The following CHCHD6 variants were observed in gnomAD, a reference collection of about 807,000 sequenced individuals.
CHCHD6 encodes coiled-coil-helix-coiled-coil-helix domain containing 6.
In CHCHD6, 28 loss-of-function variants were observed where a neutral mutation model predicts 32.3. That is an observed-to-expected ratio of 0.87 (90% CI 0.64 to 1.19). The LOEUF (loss-of-function observed/expected upper bound fraction) is 1.19, where lower values mean the gene tolerates loss of function less well. Among genes scored for constraint, CHCHD6 ranks in the 50% most tolerant of loss-of-function variants. The pLI is 0.00. For missense variants in CHCHD6, 333 were observed against 307.0 expected (o/e 1.08, Z -0.63); for synonymous variants, 122 against 117.5 (o/e 1.04, Z -0.25).
At chr3:126,767,244 G>T in intron 4 of CHCHD6, 1 of 1,451,428 alleles carries the variant, frequency 6.9e-7, no homozygotes, top group Non-Finnish European at 9.7e-7. Flanking sequence ...ATCTGTGCGG[G>T]GCTGGGGATA....
chr3:126,852,626 G>A (rs776840055), intron 4 of CHCHD6, 21 bp from the exon 5 acceptor site: 1 of 1,604,128 alleles, frequency 6.2e-7, no homozygotes, highest in Admixed American at 1.7e-5. Context: ...GCTAACGTGG[G>A]CTTTGTTCTC....
chr3:126,841,048 C>T lies in CHCHD6; in HGVS notation c.412-11599C>T, dbSNP rs985978909. Among the ~76,000 whole-genome samples, 5 of 152,032 alleles carry T rather than the reference C, an allele frequency of 3.3e-5. No homozygotes were observed. The South Asian group carries it at 1.0e-3, about 32-fold the overall frequency. ...TCCCGATGCTATCCCTCCCCACTCC[C>T]CTCACCCCACAACAGTCCCCAGAGT... On this transcript the variant is annotated intron_variant, in intron 4 of 7. Coordinates refer to ENST00000290913, the MANE Select transcript of CHCHD6 (RefSeq NM_032343.3).
intron 4 of CHCHD6, among the ~76,000 whole-genome samples, chr3:126,812,887 G>A (rs576055137): frequency 3.3e-5 from 5 of 152,224 alleles, no homozygotes; most frequent in African/African-American, 1.2e-4. Flanking sequence ...TGCTGGAAGG[G>A]TTGGTGTTTG....
At chr3:126,712,546 C>T (rs1934799037) in intron 1 of CHCHD6, among the ~76,000 whole-genome samples, 1 of 152,162 alleles carries the variant, frequency 6.6e-6, no homozygotes, top group Non-Finnish European at 1.5e-5. Context: ...AAACGTGCTG[C>T]ACTGGAAGGC....
intron 5 of CHCHD6, among the ~76,000 whole-genome samples, chr3:126,901,014 C>G (rs1019431414): frequency 2.6e-5 from 4 of 152,136 alleles, no homozygotes; most frequent in Non-Finnish European, 4.4e-5. Flanking sequence ...AACACCCCCC[C>G]CAGGCCCTAC....
At chr3:126,748,828 C>A (rs1468037035) in intron 4 of CHCHD6, among the ~76,000 whole-genome samples, 1 of 152,162 alleles carries the variant, frequency 6.6e-6, no homozygotes, top group Non-Finnish European at 1.5e-5. Flanking sequence ...CCGGGCTGGG[C>A]TGGCCATCCA....
chr3:126,874,318 A>G (rs2077513947), intron 5 of CHCHD6, among the ~76,000 whole-genome samples: 1 of 152,228 alleles, frequency 6.6e-6, no homozygotes, highest in Admixed American at 6.5e-5. Flanking sequence ...TGCCTTAGGA[A>G]TAAGATTGGA....
intron 4 of CHCHD6, among the ~76,000 whole-genome samples, chr3:126,795,969 G>A (rs922694563): frequency 5.3e-5 from 8 of 152,214 alleles, no homozygotes; most frequent in African/African-American, 1.9e-4. Context: ...GTCAGTTTCA[G>A]TGGTGGGGTT....
At chr3:126,766,150 A>T (rs1022573883) in intron 4 of CHCHD6, among the ~76,000 whole-genome samples, 2 of 152,196 alleles carry the variant, frequency 1.3e-5, no homozygotes, top group Non-Finnish European at 2.9e-5. Flanking sequence ...CTTAAAAAAA[A>T]ACCTAGATTG....
At chr3:126,807,769 G>A (rs1016638170) in intron 4 of CHCHD6, among the ~76,000 whole-genome samples, 3 of 152,192 alleles carry the variant, frequency 2.0e-5, no homozygotes, top group African/African-American at 7.2e-5. Flanking sequence ...CCAGAGGGAT[G>A]TGTTATTATC....
At chr3:126,860,012 C>T (rs1941801830) in intron 5 of CHCHD6, among the ~76,000 whole-genome samples, 1 of 152,006 alleles carries the variant, frequency 6.6e-6, no homozygotes, top group African/African-American at 2.4e-5. Context: ...GACACGTGCT[C>T]AGTGAGGGGT....
At chr3:126,704,960 C>T (rs2107647287) in intron 1 of CHCHD6, among the ~76,000 whole-genome samples, 1 of 152,290 alleles carries the variant, frequency 6.6e-6, no homozygotes, top group East Asian at 1.9e-4. Flanking sequence ...GCCCGTCGAC[C>T]TCTGGGGACT....
At chr3:126,887,561 A>G (rs2077695608) in intron 5 of CHCHD6, among the ~76,000 whole-genome samples, 1 of 152,156 alleles carries the variant, frequency 6.6e-6, no homozygotes, top group Non-Finnish European at 1.5e-5. Context: ...GGGCCCCAGA[A>G]AAGTTCAGCG....
At chr3:126,821,952 A>G (rs1336592215) in intron 4 of CHCHD6, among the ~76,000 whole-genome samples, 1 of 152,142 alleles carries the variant, frequency 6.6e-6, no homozygotes, top group Non-Finnish European at 1.5e-5. Flanking sequence ...AATTTTTTAT[A>G]TGTCCTGGAT....
rs148499491 is a variant in CHCHD6, at chr3:126,833,576, C to T, written c.412-19071C>T. On this transcript the variant is annotated intron_variant, in intron 4 of 7. Coordinates refer to ENST00000290913, the MANE Select transcript of CHCHD6 (RefSeq NM_032343.3). ...TGGGCTTCGCAACTATGTAGACCTA[C>T]GAAAGTCCAGCCTTGCTGTCTGATA... 1.9e-3 allele frequency among the ~76,000 whole-genome samples: 288 copies of T among 152,294 alleles called. 1 individual carries two copies. The highest frequency in any genetic ancestry group is 6.3e-3 in the African/African-American group (261 of 41,560).
At chr3:126,853,113 T>C (rs1941534197) in intron 5 of CHCHD6, among the ~76,000 whole-genome samples, 1 of 152,182 alleles carries the variant, frequency 6.6e-6, no homozygotes, top group African/African-American at 2.4e-5. Context: ...GATGTCTTGC[T>C]ATACAAATAC....
chr3:126,767,366 A>G lies in CHCHD6; in HGVS notation c.411+34144A>G, dbSNP rs376039167. 2.9e-4 allele frequency: 230 copies of G among 804,968 alleles called. 1 individual carries two copies. The East Asian group carries it at 4.8e-3, about 17-fold the overall frequency. The allele number at this position is 804,968 out of a possible 1,614,324, so 49.9% of individuals were successfully genotyped here. A position where few individuals can be genotyped will look rare whatever the true frequency, so the allele number is the denominator to read the frequency against. On this transcript the variant is annotated intron_variant, in intron 4 of 7. Transcript: ENST00000290913. ...GTAGTTCTGCCCACATGCTGCAGAC[A>G]TGATCACTTCGTGGCTGAGGCCCTC...
intron 6 of CHCHD6, among the ~76,000 whole-genome samples, chr3:126,953,390 C>G (rs926845781): frequency 8.5e-5 from 13 of 152,154 alleles, no homozygotes; most frequent in African/African-American, 3.1e-4. Context: ...GAGGGAGGGA[C>G]CCTTTAAGGT....
intron 4 of CHCHD6, among the ~76,000 whole-genome samples, chr3:126,841,181 G>A (rs1218522444): frequency 6.7e-6 from 1 of 148,554 alleles, no homozygotes; most frequent in Non-Finnish European, 1.5e-5. Context: ...CACTGAGAAT[G>A]ATGATTTCCA....
Sources: gnomAD v4.1 joint callset for allele counts (sites outside exome capture counted in the v4.1 genomes callset) on GRCh38, gnomAD v4.1.1 for gene constraint, MANE v1.5 for transcripts, NCBI Gene and HGNC (gene_info 2026-07-23, HGNC 2026-07-21) for gene names.